DYM: variants seen among roughly 807,000 people sequenced by gnomAD.
DYM encodes dymeclin.
A neutral mutation model predicts 93.1 loss-of-function variants in DYM; 78 were observed. The observed-to-expected ratio is 0.84, with a 90% confidence interval of 0.70 to 1.01. The LOEUF (loss-of-function observed/expected upper bound fraction) is 1.01, where lower values mean the gene tolerates loss of function less well. Ranked by LOEUF, DYM falls within the 50% of genes least tolerant of loss-of-function variation. DYM has a pLI of 0.00. For missense variants in DYM, 789 were observed against 845.0 expected (o/e 0.93, Z 0.82); for synonymous variants, 321 against 319.7 (o/e 1.00, Z -0.04).
intron 2 of DYM, chr18:49,412,967 C>T (rs966086572): frequency 1.2e-4 from 19 of 152,148 alleles, no homozygotes; most frequent in African/African-American, 4.6e-4. Context: ...AACAGATTAC[C>T]CATCAGCTTG....
At chr18:49,454,418 A>G (rs1392597687) in intron 1 of DYM, among the ~76,000 whole-genome samples, 2 of 152,150 alleles carry the variant, frequency 1.3e-5, no homozygotes, top group Non-Finnish European at 2.9e-5. Flanking sequence ...TGGCGGCTCC[A>G]TCTTCCCTTC....
chr18:49,178,683 G>A (rs2089631723), intron 14 of DYM, among the ~76,000 whole-genome samples: 1 of 151,966 alleles, frequency 6.6e-6, no homozygotes, highest in African/African-American at 2.4e-5. Context: ...ACTAACAATA[G>A]AGAAAATAAA....
intron 13 of DYM, among the ~76,000 whole-genome samples, chr18:49,223,543 G>T (rs2093432287): frequency 6.6e-6 from 1 of 152,090 alleles, no homozygotes; most frequent in South Asian, 2.1e-4. Context: ...AGATAATCAG[G>T]CATAATGTGA....
chr18:49,332,885 G>A (rs1225179450), intron 7 of DYM, among the ~76,000 whole-genome samples: 1 of 152,168 alleles, frequency 6.6e-6, no homozygotes, highest in East Asian at 1.9e-4. Context: ...CACGATGCCA[G>A]CACTACTTCA....
At chr18:49,260,963 T>C (rs2094480153) in intron 11 of DYM, among the ~76,000 whole-genome samples, 1 of 151,240 alleles carries the variant, frequency 6.6e-6, no homozygotes, top group African/African-American at 2.4e-5. Flanking sequence ...AAGGAGAATA[T>C]GGAATACAAA....
At position 49,153,485 on chromosome 18, in the gene DYM, G is replaced by A. The variant is rs534023925; in HGVS notation, c.1728+10200C>T. 5.3e-5 allele frequency among the ~76,000 whole-genome samples: 8 copies of A among 152,252 alleles called. No individual in the cohort carries two copies. The South Asian group carries it at 1.5e-3, about 28-fold the overall frequency. ...AGAAATGGTTGATTCCAGGGCTGGG[G>A]CAGAGAAAATACCCGATGAACTGGA... On this transcript the variant is annotated intron_variant, in intron 15 of 17. Coordinates refer to ENST00000675505, the MANE Select transcript of DYM (RefSeq NM_001353214.3).
intron 13 of DYM, among the ~76,000 whole-genome samples, chr18:49,246,279 G>A (rs968254060): frequency 3.3e-5 from 5 of 152,170 alleles, no homozygotes; most frequent in African/African-American, 1.2e-4. Context: ...TTGGACACGT[G>A]AGCCACTTTA....
At chr18:49,327,373 T>C (rs1182921642) in intron 8 of DYM, among the ~76,000 whole-genome samples, 2 of 152,086 alleles carry the variant, frequency 1.3e-5, no homozygotes, top group Non-Finnish European at 2.9e-5. Context: ...TTTTGTTTTT[T>C]TGTTGTTGAG....
chr18:49,155,860 A>G (rs1049231609), intron 15 of DYM, among the ~76,000 whole-genome samples: 5 of 152,224 alleles, frequency 3.3e-5, no homozygotes, highest in South Asian at 2.1e-4. Flanking sequence ...ATTGCAAATA[A>G]TGGTTCTATG....
At chr18:49,194,977 G>A (rs1383334460) in intron 14 of DYM, among the ~76,000 whole-genome samples, 1 of 152,136 alleles carries the variant, frequency 6.6e-6, no homozygotes, top group Non-Finnish European at 1.5e-5. Flanking sequence ...TGATGGTAAA[G>A]CTTGCTAGGA....
chr18:49,124,163 C>T (rs2082619476), intron 15 of DYM, among the ~76,000 whole-genome samples: 1 of 152,058 alleles, frequency 6.6e-6, no homozygotes, highest in Non-Finnish European at 1.5e-5. Flanking sequence ...TAAACCCAGG[C>T]TAAAATACTG....
At chr18:49,277,533 G>A (rs1380447408) in intron 10 of DYM, among the ~76,000 whole-genome samples, 1 of 152,178 alleles carries the variant, frequency 6.6e-6, no homozygotes, top group Non-Finnish European at 1.5e-5. Context: ...ACACTATTAA[G>A]AGGTGGGGCC....
intron 8 of DYM, among the ~76,000 whole-genome samples, chr18:49,329,351 G>A (rs1399805275): frequency 6.6e-6 from 1 of 151,814 alleles, no homozygotes; most frequent in Non-Finnish European, 1.5e-5. Context: ...GAGTTAACAG[G>A]TGCAGCAAAC....
chr18:49,448,637 A>G (rs1302890610), intron 1 of DYM, among the ~76,000 whole-genome samples: 1 of 152,110 alleles, frequency 6.6e-6, no homozygotes, highest in Non-Finnish European at 1.5e-5. Context: ...CAGGAAACAC[A>G]GGGGGAAAAA....
intron 14 of DYM, among the ~76,000 whole-genome samples, chr18:49,182,554 C>T (rs1406035654): frequency 6.6e-6 from 1 of 152,082 alleles, no homozygotes; most frequent in African/African-American, 2.4e-5. Context: ...GGTGATGTTT[C>T]CTCTCTGAAG....
At chr18:49,282,515 T>C (rs546670157) in intron 9 of DYM, among the ~76,000 whole-genome samples, 6 of 152,038 alleles carry the variant, frequency 3.9e-5, no homozygotes, top group Non-Finnish European at 5.9e-5. Context: ...CAGGAGGCTA[T>C]AGCAGGAGAA....
intron 15 of DYM, among the ~76,000 whole-genome samples, chr18:49,145,803 C>T (rs933376388): frequency 6.6e-6 from 1 of 152,044 alleles, no homozygotes; most frequent in African/African-American, 2.4e-5. Flanking sequence ...TTTTAATGTC[C>T]TTATATATAT....
At chr18:49,209,406 A>G (rs1317140749) in intron 14 of DYM, 145 bp downstream of exon 14, 4 of 488,580 alleles carry the variant, frequency 8.2e-6, no homozygotes, top group African/African-American at 6.2e-5. Context: ...AAATCCAGCT[A>G]TTATTTTAAA....
chr18:49,098,283 G>A (rs861300), intron 16 of DYM, among the ~76,000 whole-genome samples: 94,074 of 152,078 alleles, frequency 0.62, 31,662 homozygotes, highest in Non-Finnish European at 0.75. Context: ...AAATTATTGT[G>A]TTTTTGTAAA....
Sources: allele counts gnomAD v4.1 joint callset (sites outside exome capture counted in the v4.1 genomes callset), GRCh38; gene constraint gnomAD v4.1.1; transcripts MANE v1.5; gene names NCBI Gene and HGNC (gene_info 2026-07-23, HGNC 2026-07-21).